PRKD1: variants seen among roughly 807,000 people sequenced by gnomAD.
PRKD1 encodes protein kinase D1.
PRKD1 carries 63 observed loss-of-function variants against 95.9 expected under a neutral mutation model. That is an observed-to-expected ratio of 0.66 (90% CI 0.54 to 0.81). The LOEUF (loss-of-function observed/expected upper bound fraction) is 0.81, where lower values mean the gene tolerates loss of function less well. Ranked by LOEUF, PRKD1 falls within the 30% of genes least tolerant of loss-of-function variation. PRKD1 has a pLI of 0.00. For missense variants in PRKD1, 1,048 were observed against 1,165.3 expected, an observed-to-expected ratio of 0.90 and a Z score of 1.47; for synonymous variants, 425 against 423.1, an observed-to-expected ratio of 1.00 and a Z score of -0.05.
chr14:29,652,172 G>A (rs999598177), intron 4 of PRKD1, among the ~76,000 whole-genome samples: 12 of 152,196 alleles, frequency 7.9e-5, no homozygotes, highest in African/African-American at 2.9e-4. Flanking sequence ...GTAAATGCCT[G>A]CAATTCCTAA....
At chr14:29,894,218 G>A (rs1157112847) in intron 1 of PRKD1, among the ~76,000 whole-genome samples, 2 of 152,242 alleles carry the variant, frequency 1.3e-5, no homozygotes, top group Non-Finnish European at 2.9e-5. Context: ...CACCAAGGAG[G>A]TGGGAGGAGG....
chr14:29,919,715 C>A (rs1340649208), intron 1 of PRKD1, among the ~76,000 whole-genome samples: 1 of 145,610 alleles, frequency 6.9e-6, no homozygotes, highest in African/African-American at 2.8e-5. Flanking sequence ...ATAATCCTAG[C>A]ACTTTGGAAG....
intron 1 of PRKD1, among the ~76,000 whole-genome samples, chr14:29,900,354 A>T (rs1328806498): frequency 1.3e-5 from 2 of 152,222 alleles, no homozygotes; most frequent in Admixed American, 6.5e-5. Context: ...GCATAATGAG[A>T]CCAAGTGTTC....
At chr14:29,635,543 T>G (rs1190830268) in intron 7 of PRKD1, among the ~76,000 whole-genome samples, 4 of 152,226 alleles carry the variant, frequency 2.6e-5, no homozygotes, top group Non-Finnish European at 5.9e-5. Context: ...TCAATAAACA[T>G]GGCATTCGTA....
intron 1 of PRKD1, chr14:29,811,904 A>C (rs1890500931): frequency 6.6e-6 from 1 of 152,354 alleles, no homozygotes. Flanking sequence ...ATGCATAAGA[A>C]ACCCCAGGCC....
intron 1 of PRKD1, among the ~76,000 whole-genome samples, chr14:29,874,151 T>G (rs1008130381): frequency 2.0e-5 from 3 of 152,190 alleles, no homozygotes; most frequent in Non-Finnish European, 4.4e-5. Context: ...GCTTTGAGTT[T>G]TAGCTGATGT....
chr14:29,600,184 T>C (rs1893466596), intron 13 of PRKD1, among the ~76,000 whole-genome samples: 1 of 152,148 alleles, frequency 6.6e-6, no homozygotes, highest in African/African-American at 2.4e-5. Context: ...TTATATACAA[T>C]TGGTAGAAAT....
At chr14:29,924,522 C>G (rs1895232170) in intron 1 of PRKD1, among the ~76,000 whole-genome samples, 1 of 152,128 alleles carries the variant, frequency 6.6e-6, no homozygotes, top group South Asian at 2.1e-4. Flanking sequence ...CTCGTATGAT[C>G]TATGTTAGTA....
intron 1 of PRKD1, among the ~76,000 whole-genome samples, chr14:29,873,572 G>A (rs920070775): frequency 2.6e-5 from 4 of 152,034 alleles, no homozygotes; most frequent in Non-Finnish European, 5.9e-5. Context: ...TATTCAACAT[G>A]CATTTGTGAA....
chr14:29,707,181 GA>G (rs1203438558), intron 2 of PRKD1, among the ~76,000 whole-genome samples: 1 of 152,242 alleles, frequency 6.6e-6, no homozygotes, highest in Admixed American at 6.5e-5. Context: ...TTATGCTATT[GA>G]AGGGTTTTAT....
chr14:29,614,883 T>G (rs1454011161), intron 13 of PRKD1, among the ~76,000 whole-genome samples: 1 of 103,508 alleles, frequency 9.7e-6, no homozygotes, highest in African/African-American at 3.9e-5. Flanking sequence ...TTTTTTTTTT[T>G]GTATTTTTAG....
chr14:29,672,448 A>G (rs1882917447), intron 2 of PRKD1, among the ~76,000 whole-genome samples: 1 of 152,118 alleles, frequency 6.6e-6, no homozygotes, highest in Non-Finnish European at 1.5e-5. Context: ...CTCTTATACT[A>G]AAATAATTAC....
intron 2 of PRKD1, among the ~76,000 whole-genome samples, chr14:29,706,866 G>T (rs1293467178): frequency 6.6e-6 from 1 of 152,112 alleles, no homozygotes; most frequent in Non-Finnish European, 1.5e-5. Context: ...GGTATTTCAG[G>T]TGAGATTCTT....
Position 29,780,715 on chromosome 14 carries a change from G to A in PRKD1, c.265-55041C>T, listed in dbSNP as rs892769206. On this transcript the variant is annotated intron_variant, in intron 1 of 17. Coordinates refer to ENST00000331968, the MANE Select transcript of PRKD1 (RefSeq NM_002742.3). ...GGGACTGTAAACTAGTTCAACCATCGTGGAAGACAGTGTGGTGATTTCTCA... is the reference window on the plus strand; with the variant it reads ...GGGACTGTAAACTAGTTCAACCATCATGGAAGACAGTGTGGTGATTTCTCA... Among the ~76,000 whole-genome samples the A allele has an allele frequency of 4.6e-5, 7 of 152,316 alleles. 1 individual carries two copies. The highest frequency in any genetic ancestry group is 2.9e-5 in the Non-Finnish European group (2 of 68,034).
intron 11 of PRKD1, 88 bp downstream of exon 11, chr14:29,628,953 T>G (rs1376323858): frequency 8.3e-6 from 8 of 962,488 alleles, no homozygotes; most frequent in Non-Finnish European, 7.3e-6. Flanking sequence ...TACTAAAAAA[T>G]TAAAATGAAT....
At chr14:29,765,958 G>C (rs2139126913) in intron 1 of PRKD1, among the ~76,000 whole-genome samples, 2 of 152,182 alleles carry the variant, frequency 1.3e-5, no homozygotes, top group Middle Eastern at 6.8e-3. Context: ...TGACTGCATG[G>C]GTTTGCATGT....
chr14:29,630,691 G>T, intron 10 of PRKD1, 51 bp downstream of exon 10: 1 of 1,608,342 alleles, frequency 6.2e-7, no homozygotes, highest in Non-Finnish European at 8.5e-7. Context: ...TACTAAGCAA[G>T]GGGTAGGCAC....
chr14:29,712,788 A>C (rs532132940), intron 2 of PRKD1, among the ~76,000 whole-genome samples: 8 of 152,202 alleles, frequency 5.3e-5, no homozygotes, highest in Non-Finnish European at 1.2e-4. Context: ...GTTGCATGTT[A>C]AAAGCAAATA....
At chr14:29,747,453 T>C (rs1267104983) in intron 1 of PRKD1, among the ~76,000 whole-genome samples, 1 of 152,134 alleles carries the variant, frequency 6.6e-6, no homozygotes, top group African/African-American at 2.4e-5. Context: ...CCTAGGTATA[T>C]ACTCAAAAGA....
Sources: allele counts gnomAD v4.1 joint callset (sites outside exome capture counted in the v4.1 genomes callset), GRCh38; gene constraint gnomAD v4.1.1; transcripts MANE v1.5; gene names NCBI Gene and HGNC (gene_info 2026-07-23, HGNC 2026-07-21).